PSMD3: variants seen among roughly 807,000 people sequenced by gnomAD.
PSMD3 encodes the protein 26S proteasome non-ATPase regulatory subunit 3.
In PSMD3, 5 loss-of-function variants were observed where a neutral mutation model predicts 62.8. The observed-to-expected ratio is 0.08, with a 90% confidence interval of 0.04 to 0.17. The LOEUF (loss-of-function observed/expected upper bound fraction) is 0.17. Ranked by LOEUF, PSMD3 falls within the 10% of genes least tolerant of loss-of-function variation. The probability of loss-of-function intolerance (pLI) is 1.00; values close to 1 mark genes in which losing one functional copy is unlikely to be tolerated. For missense variants in PSMD3, 524 were observed against 713.6 expected, an observed-to-expected ratio of 0.73 and a Z score of 3.03; for synonymous variants, 265 against 283.9, an observed-to-expected ratio of 0.93 and a Z score of 0.67.
chr17:39,994,971 C>A lies in PSMD3; in HGVS notation c.999C>A (p.Ile333=). ...GFKQTVHKLL[I]VVELLLGEIP... ...CTGTCCAGGTGCACAAGCTTCTCAT[C>A]GTGGTGGAGCTGTTGCTGGGGGAGA... The change falls in exon 7 of 12, where the codon ATC becomes ATA. Residue 333 remains isoleucine (I), a synonymous_variant. Coordinates refer to ENST00000264639, the MANE Select transcript of PSMD3 (RefSeq NM_002809.4). 2.5e-6 allele frequency: 4 copies of A among 1,614,176 alleles called. No homozygotes were observed. The highest frequency in any genetic ancestry group is 3.4e-6 in the Non-Finnish European group (4 of 1,180,022).
rs200786863 is a variant in PSMD3, at chr17:39,990,071, A to G, written c.878-23A>G. ...TTGGATGACCCTACTCTGTTGACCA[A>G]CTCTCCTCTCCTCCACTCCCAGGGC... On this transcript the variant is annotated intron_variant, in intron 5 of 11. Transcript: ENST00000264639. The G allele has an allele frequency of 5.9e-5, 95 of 1,609,446 alleles. 1 individual carries two copies. In the African/African-American group the frequency reaches 7.5e-4, roughly 13 times the overall value.
At chr17:39,987,283 C>T (rs1487159933) in intron 3 of PSMD3, among the ~76,000 whole-genome samples, 3 of 152,180 alleles carry the variant, frequency 2.0e-5, no homozygotes, top group African/African-American at 7.2e-5. Flanking sequence ...GGAGCACACT[C>T]AGGAAGTAAG....
At chr17:39,993,005 T>G (rs58212353) in intron 6 of PSMD3, 23,357 of 152,292 alleles carry the variant, frequency 0.15, 1,977 homozygotes, top group African/African-American at 0.18. Context: ...ACTCCGTTAC[T>G]CTGCTGGCAC....
intron 6 of PSMD3, among the ~76,000 whole-genome samples, chr17:39,992,114 C>T (rs1980671841): frequency 1.3e-5 from 2 of 151,546 alleles, no homozygotes; most frequent in South Asian, 2.1e-4. Context: ...ACACAGGGTG[C>T]GTGAGCAAAA....
At chr17:39,986,437 T>G (rs75049293) in intron 2 of PSMD3, 138 bp from the exon 3 acceptor site, 15,702 of 1,076,008 alleles carry the variant, frequency 0.015, 213 homozygotes, top group South Asian at 0.043. Flanking sequence ...CTTTATTTTT[T>G]TATCCCTAGC....
rs775613009 is a variant in PSMD3 at position 39,989,758 on chromosome 17, C to T, written c.706C>T (p.Arg236Trp). Residue 236 changes from arginine (R) to tryptophan (W), a missense_variant, in exon 5 of 12, where the codon CGG becomes TGG. Around this residue, in one of 4 missense-constraint regions of PSMD3, gnomAD observed 396 missense variants for 475.8 expected, o/e 0.83. Coordinates refer to ENST00000264639, the MANE Select transcript of PSMD3 (RefSeq NM_002809.4). ...TTGAAGCTTCTTGCATGCTCGGCTC[C>T]GGACAGCTACGCTTCGGCATGACGC... is the stretch of plus-strand genomic sequence containing the variant. Reference protein sequence around the residue: ...VVRSFLHARLRTATLRHDADG... With the variant: ...VVRSFLHARLWTATLRHDADG... 3 of 1,613,672 alleles carry T rather than the reference C, an allele frequency of 1.9e-6. No individual in the cohort carries two copies. Among genetic ancestry groups the T allele is most frequent in the Non-Finnish European group, 2.5e-6 (3 of 1,180,002 alleles).
chr17:39,996,437 A>G lies in PSMD3; in HGVS notation c.1476+99A>G. ...AGAAGACTGGCTTAATTTGTGGCCCACGTCCCAGCCAATCTCTGTAAAATC... is the reference window on the plus strand; with the variant it reads ...AGAAGACTGGCTTAATTTGTGGCCCGCGTCCCAGCCAATCTCTGTAAAATC... On this transcript the variant is annotated intron_variant, in intron 10 of 11. Transcript: ENST00000264639. This position sits in a 1 kb window ranked among gnomAD's most constrained non-coding sequence, Gnocchi z 5.1. 2.8e-6 allele frequency: 4 copies of G among 1,451,184 alleles called. No individual in the cohort carries two copies. The highest frequency in any genetic ancestry group is 3.8e-6 in the Non-Finnish European group (4 of 1,063,504). 89.9% of individuals were successfully genotyped at this position (1,451,184 alleles called of 1,614,324 possible).
rs554031637 is a variant in PSMD3, at chr17:39,990,290, T to C, written c.981+93T>C. 22 of 1,113,508 alleles carry C rather than the reference T, an allele frequency of 2.0e-5. 1 individual carries two copies. The highest frequency in any genetic ancestry group is 2.6e-5 in the Non-Finnish European group (20 of 782,012). 69.0% of individuals were successfully genotyped at this position (1,113,508 alleles called of 1,614,324 possible). A position where few individuals can be genotyped will look rare whatever the true frequency, so the allele number is the denominator to read the frequency against. Reference sequence around the variant, plus strand: ...GTTACCTGGGCTGGTCTTGAACTCCTGGGTTCAAGAAGTCCTCCCACCTCA... The same window carrying C: ...GTTACCTGGGCTGGTCTTGAACTCCCGGGTTCAAGAAGTCCTCCCACCTCA... On this transcript the variant is annotated intron_variant, in intron 6 of 11. Transcript: ENST00000264639.
At chr17:39,981,896 G>A (rs1257156633) in intron 1 of PSMD3, among the ~76,000 whole-genome samples, 5 of 152,038 alleles carry the variant, frequency 3.3e-5, no homozygotes, top group Non-Finnish European at 7.4e-5. Context: ...TCTTTTCTCC[G>A]AGGTTCCTGT....
At chr17:39,984,708 C>T (rs1277008021) in intron 2 of PSMD3, among the ~76,000 whole-genome samples, 1 of 152,196 alleles carries the variant, frequency 6.6e-6, no homozygotes, top group Non-Finnish European at 1.5e-5. Context: ...CAGCCAAACT[C>T]ATTTCCCACT....
At chr17:39,991,195 T>A (rs913385536) in intron 6 of PSMD3, among the ~76,000 whole-genome samples, 2 of 152,016 alleles carry the variant, frequency 1.3e-5, no homozygotes, top group Non-Finnish European at 2.9e-5. Context: ...TTGCTCTGTC[T>A]CCCAGGCTGG....
Position 39,997,321 on chromosome 17 carries a change from G to C in PSMD3, c.1477-9G>C. The C allele has an allele frequency of 6.2e-7, 1 of 1,613,972 alleles. No homozygotes were observed. ...CCCTCGCTCATCTCCTCTCTTTGCTGTGCCCCAGGCCATGAGGTTTCCTCC... is the reference window on the plus strand; with the variant it reads ...CCCTCGCTCATCTCCTCTCTTTGCTCTGCCCCAGGCCATGAGGTTTCCTCC... On this transcript the variant is annotated splice_polypyrimidine_tract_variant and intron_variant, in intron 10 of 11. Transcript: ENST00000264639.
At position 39,980,997 on chromosome 17, in the gene PSMD3, C is replaced by T. The variant is rs890149686; in HGVS notation, c.27C>T (p.Arg9=). The T allele has an allele frequency of 9.9e-5, 153 of 1,547,518 alleles. No homozygotes were observed. The highest frequency in any genetic ancestry group is 1.4e-4 in the Admixed American group (7 of 50,148). The change falls in exon 1 of 12, where the codon CGC becomes CGT. Residue 9 remains arginine (R), a synonymous_variant. Transcript: ENST00000264639. MKQEGSAR[R]RGADKAKPPP... ...TGAAGCAGGAGGGCTCGGCGCGGCG[C>T]CGCGGCGCGGACAAGGCGAAACCGC...
intron 6 of PSMD3, among the ~76,000 whole-genome samples, chr17:39,991,372 T>C (rs1335820267): frequency 6.6e-6 from 1 of 152,136 alleles, no homozygotes; most frequent in Admixed American, 6.6e-5. Flanking sequence ...GCCAGGCTGG[T>C]CTCGAACTCC....
intron 1 of PSMD3, among the ~76,000 whole-genome samples, chr17:39,982,099 A>G (rs920855381): frequency 6.6e-6 from 1 of 152,238 alleles, no homozygotes; most frequent in Non-Finnish European, 1.5e-5. Context: ...GTGAGAAACT[A>G]GCTCAAAAAC....
intron 2 of PSMD3, among the ~76,000 whole-genome samples, chr17:39,985,877 C>G (rs1263194331): frequency 6.6e-6 from 1 of 152,078 alleles, no homozygotes; most frequent in African/African-American, 2.4e-5. Flanking sequence ...ATTTTTTGGT[C>G]TCATTATTCT....
At chr17:39,994,848 C>T (rs1263031475) in intron 6 of PSMD3, 106 bp from the exon 7 acceptor site, 1 of 947,042 alleles carries the variant, frequency 1.1e-6, no homozygotes, top group Non-Finnish European at 1.6e-6. Context: ...ACAGTGATCC[C>T]TTTCCCTGTT....
At position 39,996,348 on chromosome 17, in the gene PSMD3, C is replaced by T. The variant is rs1224105537; in HGVS notation, c.1476+10C>T. On this transcript the variant is annotated intron_variant, in intron 10 of 11. Transcript: ENST00000264639. This position sits in a 1 kb window ranked among gnomAD's most constrained non-coding sequence, Gnocchi z 5.1. ...CAACATGTCTGTCAAGGTGAGAAGC[C>T]CGTGGCTGCAGAGTCACGCCTGGCA... The T allele has an allele frequency of 1.2e-6, 2 of 1,612,588 alleles. No individual in the cohort carries two copies. Among genetic ancestry groups the T allele is most frequent in the South Asian group, 1.1e-5 (1 of 91,002 alleles).
intron 6 of PSMD3, 30 bp downstream of exon 6, chr17:39,990,227 C>CTAT: frequency 4.3e-6 from 6 of 1,381,340 alleles, no homozygotes; most frequent in African/African-American, 1.8e-5. Context: ...ATCCCTTTGC[C>CTAT]TCTTTTTTTT....
Sources: gnomAD v4.1 joint callset for allele counts (sites outside exome capture counted in the v4.1 genomes callset) on GRCh38, gnomAD v4.1.1 for gene constraint, gnomAD v4.1.1 regional missense constraint, Gnocchi (gnomAD v3.1) non-coding constraint, MANE v1.5 for transcripts, NCBI Gene and HGNC (gene_info 2026-07-23, HGNC 2026-07-21) for gene names.